TASOR: variants seen among roughly 807,000 people sequenced by gnomAD.
TASOR encodes transcription activation suppressor.
Under a neutral mutation model 178.6 loss-of-function variants are expected in TASOR, and 53 were observed. That is an observed-to-expected ratio of 0.30 (90% confidence interval 0.24 to 0.37). The LOEUF is 0.37. Among genes scored for constraint, TASOR ranks in the 10% least tolerant of loss-of-function variants. TASOR has a pLI of 1.00. For missense variants in TASOR, 1,815 were observed against 1,971.4 expected (o/e 0.92, Z 1.50); for synonymous variants, 713 against 696.2 (o/e 1.02, Z -0.38).
At chr3:56,675,526 G>T (rs1006558004) in intron 1 of TASOR, among the ~76,000 whole-genome samples, 1 of 151,950 alleles carries the variant, frequency 6.6e-6, no homozygotes, top group Non-Finnish European at 1.5e-5. Flanking sequence ...TAGTTCTTGA[G>T]AATTACTGGT....
chr3:56,648,788 T>C lies in TASOR; in HGVS notation c.1513+34A>G, dbSNP rs770192170. 6.8e-6 allele frequency: 10 copies of C among 1,472,520 alleles called. No homozygotes were observed. In the Admixed American group the frequency reaches 1.1e-4, roughly 16 times the overall value. The allele number at this position is 1,472,520 out of a possible 1,614,324, so 91.2% of individuals were successfully genotyped here. ...ATTTCAATGAAATGTTAAGTATCTATAAGTAACCAGATTTAGATATTCAAA... is the reference window on the plus strand; with the variant it reads ...ATTTCAATGAAATGTTAAGTATCTACAAGTAACCAGATTTAGATATTCAAA... On this transcript the variant is annotated intron_variant, in intron 13 of 23. Coordinates refer to ENST00000683822, the MANE Select transcript of TASOR (RefSeq NM_001365635.2).
In TASOR at chr3:56,655,814, T is replaced by C. The variant is rs576720238; in HGVS notation, c.1368+4917A>G. The stretch of plus-strand genomic sequence containing the variant: ...CCTCCCACCAAAAAAATAGAGTAAC[T>C]GCAACAATATATAATAATAAGGGTT... On this transcript the variant is annotated intron_variant, in intron 11 of 23. Transcript: ENST00000683822. Among the ~76,000 whole-genome samples, 6 of 152,124 alleles carry C rather than the reference T, an allele frequency of 3.9e-5. No individual in the cohort carries two copies. The East Asian group carries it at 1.2e-3, about 29-fold the overall frequency.
At chr3:56,676,503 G>C in intron 1 of TASOR, among the ~76,000 whole-genome samples, 1 of 152,150 alleles carries the variant, frequency 6.6e-6, no homozygotes, top group African/African-American at 2.4e-5. Context: ...AGCATGTGGA[G>C]GTCTTTATAG....
intron 13 of TASOR, among the ~76,000 whole-genome samples, chr3:56,648,156 A>G (rs574312254): frequency 1.8e-4 from 27 of 152,052 alleles, no homozygotes; most frequent in Non-Finnish European, 3.1e-4. Flanking sequence ...GGCTGTATGT[A>G]GTGAGCCATG....
At chr3:56,652,180 A>C (rs180828458) in intron 11 of TASOR, among the ~76,000 whole-genome samples, 1 of 152,350 alleles carries the variant, frequency 6.6e-6, no homozygotes, top group East Asian at 1.9e-4. Flanking sequence ...GGAAGGGGGA[A>C]TGTACAGTGA....
chr3:56,629,485 G>A (rs577561175), intron 18 of TASOR, among the ~76,000 whole-genome samples: 1 of 152,250 alleles, frequency 6.6e-6, no homozygotes, highest in Non-Finnish European at 1.5e-5. Flanking sequence ...AGCTAAAAAA[G>A]CATTTATATA....
At chr3:56,653,578 A>G (rs2077404691) in intron 11 of TASOR, among the ~76,000 whole-genome samples, 1 of 152,156 alleles carries the variant, frequency 6.6e-6, no homozygotes, top group African/African-American at 2.4e-5. Flanking sequence ...TCAAAGTGCA[A>G]GAAAATAGCT....
chr3:56,646,695 A>C lies in TASOR; in HGVS notation c.2042T>G (p.Val681Gly), dbSNP rs1429662184. 6.2e-7 allele frequency: 1 copy of C among 1,613,760 alleles called. No individual in the cohort carries two copies. Residue 681 changes from valine (V) to glycine (G), a missense_variant, in exon 14 of 24, where the codon GTC (valine) becomes GGC (glycine). Physicochemically the swap from Val to Gly is moderately radical, Grantham distance 109. Coordinates refer to ENST00000683822, the MANE Select transcript of TASOR (RefSeq NM_001365635.2). ...CTGAATTAAATTAATCAATTCTTTGACTCTATCCTTATCATAATCCAAAGA... is the reference window on the plus strand; with the variant it reads ...CTGAATTAAATTAATCAATTCTTTGCCTCTATCCTTATCATAATCCAAAGA... ...SHSLDYDKDR[V>G]KELINLIQCR... is the part of the protein sequence containing the mutation.
At chr3:56,667,086 GC>G (rs1436702547) in intron 6 of TASOR, among the ~76,000 whole-genome samples, 1 of 152,042 alleles carries the variant, frequency 6.6e-6, no homozygotes, top group African/African-American at 2.4e-5. Context: ...AAAACGTAAG[GC>G]CAGTTTGCAA....
chr3:56,650,722 C>G (rs13086565), intron 11 of TASOR, among the ~76,000 whole-genome samples: 5,091 of 152,244 alleles, frequency 0.033, 113 homozygotes, highest in Middle Eastern at 0.078. Context: ...GGTTAAAAAT[C>G]CTCAGGCCAA....
At chr3:56,681,008 T>G (rs966790527) in intron 1 of TASOR, among the ~76,000 whole-genome samples, 1 of 151,938 alleles carries the variant, frequency 6.6e-6, no homozygotes, top group Admixed American at 6.6e-5. Flanking sequence ...ACAGTGCCTT[T>G]CCAGTTCCTA....
At chr3:56,670,480 A>T (rs2030563803) in intron 3 of TASOR, among the ~76,000 whole-genome samples, 2 of 152,174 alleles carry the variant, frequency 1.3e-5, no homozygotes, top group African/African-American at 4.8e-5. Context: ...AACTAGAACT[A>T]CAAGTGCTCA....
chr3:56,631,584 G>GTTTTTTT (rs932459148), intron 18 of TASOR, among the ~76,000 whole-genome samples: 3 of 113,432 alleles, frequency 2.6e-5, no homozygotes, highest in African/African-American at 1.1e-4. Flanking sequence ...GTGTTTTTTT[G>GTTTTTTT]TTTTTTTTTT....
intron 14 of TASOR, among the ~76,000 whole-genome samples, chr3:56,645,752 ATG>A: frequency 6.6e-6 from 1 of 152,358 alleles, no homozygotes; most frequent in East Asian, 1.9e-4. Flanking sequence ...AGAAAAGAGT[ATG>A]TGTATGCATA....
intron 14 of TASOR, among the ~76,000 whole-genome samples, chr3:56,645,623 C>A (rs980138063): frequency 8.5e-5 from 13 of 152,110 alleles, no homozygotes; most frequent in African/African-American, 2.9e-4. Flanking sequence ...AATATTGAAA[C>A]AAACACACTT....
chr3:56,647,799 A>C (rs796137070), intron 13 of TASOR, among the ~76,000 whole-genome samples: 2 of 152,224 alleles, frequency 1.3e-5, no homozygotes, highest in South Asian at 4.1e-4. Context: ...TCAGTGCCAA[A>C]AATTCTCATT....
At chr3:56,681,994 G>T (rs894009031) in intron 1 of TASOR, among the ~76,000 whole-genome samples, 1 of 152,000 alleles carries the variant, frequency 6.6e-6, no homozygotes, top group East Asian at 1.9e-4. Flanking sequence ...ACTGCTCCAA[G>T]AACCTACCTT....
chr3:56,673,095 G>A (rs931225173), intron 2 of TASOR, among the ~76,000 whole-genome samples: 1 of 152,192 alleles, frequency 6.6e-6, no homozygotes, highest in Non-Finnish European at 1.5e-5. Context: ...ACAGGCATGA[G>A]CCACCATGCT....
chr3:56,659,974 A>C (rs1056782553), intron 11 of TASOR, among the ~76,000 whole-genome samples: 1 of 151,748 alleles, frequency 6.6e-6, no homozygotes, highest in Non-Finnish European at 1.5e-5. Flanking sequence ...TCCTGGGTTC[A>C]AGCGATTCTC....
Sources: allele counts gnomAD v4.1 joint callset (sites outside exome capture counted in the v4.1 genomes callset), GRCh38; gene constraint gnomAD v4.1.1; transcripts MANE v1.5; gene names NCBI Gene and HGNC (gene_info 2026-07-23, HGNC 2026-07-21).